The following CREM variants were observed in gnomAD, a reference collection of about 807,000 sequenced individuals.
CREM encodes the protein cAMP responsive element modulator, also known as cAMP-responsive element modulator.
Under a neutral mutation model 37.3 loss-of-function variants are expected in CREM, and 13 were observed. The observed-to-expected ratio is 0.35, with a 90% CI of 0.23 to 0.55. The LOEUF is 0.55. CREM is among the 20% of genes least tolerant of loss of function. The pLI is 0.88. For synonymous variants in CREM, 124 were observed against 120.2 expected, an observed-to-expected ratio of 1.03 and a Z score of -0.21; for missense variants, 296 against 362.3, an observed-to-expected ratio of 0.82 and a Z score of 1.49.
chr10:35,189,997 T>A (rs1379185596), intron 6 of CREM, among the ~76,000 whole-genome samples: 1 of 152,230 alleles, frequency 6.6e-6, no homozygotes, highest in African/African-American at 2.4e-5. Flanking sequence ...CCCAGTACTT[T>A]AATGTTTTCT....
At position 35,212,930 on chromosome 10, in the gene CREM, C is replaced by G. The variant is rs1353838979; in HGVS notation, c.*1532C>G. On this transcript the variant is annotated 3_prime_UTR_variant, in exon 8 of 8. Coordinates refer to ENST00000685392, the MANE Select transcript of CREM (RefSeq NM_183011.2). Reference sequence around the variant, plus strand: ...ATCTTGTTTTTATAATAAAAAGCTTCAGGGAACAAGCCCAAAGCCCTCACC... The same window carrying G: ...ATCTTGTTTTTATAATAAAAAGCTTGAGGGAACAAGCCCAAAGCCCTCACC... 6.5e-6 allele frequency: 1 copy of G among 152,726 alleles called. No homozygotes were observed. Among genetic ancestry groups the G allele is most frequent in the African/African-American group, 2.4e-5 (1 of 41,454 alleles). 9.5% of individuals were successfully genotyped at this position (152,726 alleles called of 1,614,324 possible).
At chr10:35,130,337 C>A (rs886459371) in intron 1 of CREM, among the ~76,000 whole-genome samples, 2 of 151,912 alleles carry the variant, frequency 1.3e-5, no homozygotes, top group African/African-American at 2.4e-5. Flanking sequence ...ATGGGAACTC[C>A]ACAATAAAGA....
At chr10:35,180,716 C>T (rs1295926019) in intron 5 of CREM, among the ~76,000 whole-genome samples, 1 of 152,202 alleles carries the variant, frequency 6.6e-6, no homozygotes, top group African/African-American at 2.4e-5. Flanking sequence ...CTGGGAATCT[C>T]TGGTGGGTTT....
intron 2 of CREM, among the ~76,000 whole-genome samples, chr10:35,142,938 T>G (rs775367567): frequency 2.0e-4 from 31 of 152,004 alleles, no homozygotes; most frequent in Non-Finnish European, 2.6e-4. Context: ...ATAATTTCAT[T>G]CAGTATTGTT....
At chr10:35,207,518 G>A (rs2095560767) in intron 7 of CREM, among the ~76,000 whole-genome samples, 1 of 152,116 alleles carries the variant, frequency 6.6e-6, no homozygotes. Context: ...GCTCCCGCCT[G>A]TAATCCCAGC....
intron 3 of CREM, among the ~76,000 whole-genome samples, chr10:35,169,744 CTTA>C (rs2093714173): frequency 6.6e-6 from 1 of 152,034 alleles, no homozygotes. Flanking sequence ...ATAAATAGCT[CTTA>C]TTATTTTGAG....
Position 35,179,229 on chromosome 10 carries a change from C to T in CREM, c.362C>T (p.Thr121Ile), listed in dbSNP as rs1409593938. The T allele has an allele frequency of 6.2e-7, 1 of 1,613,826 alleles. No individual in the cohort carries two copies. The highest frequency in any genetic ancestry group is 8.5e-7 in the Non-Finnish European group (1 of 1,179,764). The change falls in exon 5 of 8, where the codon ACC becomes ATC. Residue 121 changes from threonine to isoleucine, a missense_variant. Coordinates refer to ENST00000685392, the MANE Select transcript of CREM (RefSeq NM_183011.2). ...EEEGTPPSIA[T>I]MAVPTSIYQT... ...GAAGGAACACCACCTAGTATTGCTA[C>T]CATGGCAGTACCAACTAGCATATAT...
intron 7 of CREM, chr10:35,209,469 C>A: frequency 1.5e-6 from 1 of 653,750 alleles, no homozygotes; most frequent in Non-Finnish European, 1.9e-6. Context: ...CTGATGTGAT[C>A]GGGGAAAGCT....
At chr10:35,151,193 T>A (rs2092575135) in intron 3 of CREM, among the ~76,000 whole-genome samples, 1 of 152,224 alleles carries the variant, frequency 6.6e-6, no homozygotes. Flanking sequence ...ATCAAGGAAC[T>A]AGAAAAAGCC....
At chr10:35,141,357 A>G (rs1213392) in intron 2 of CREM, among the ~76,000 whole-genome samples, 89,455 of 152,102 alleles carry the variant, frequency 0.59, 27,128 homozygotes, top group East Asian at 0.68. Flanking sequence ...TTTTAGAAAC[A>G]TAACTATTGG....
At chr10:35,203,391 T>C (rs1040717370) in intron 6 of CREM, among the ~76,000 whole-genome samples, 1 of 152,156 alleles carries the variant, frequency 6.6e-6, no homozygotes, top group Non-Finnish European at 1.5e-5. Flanking sequence ...CACCCTTTTT[T>C]TAAAAAAACA....
At chr10:35,158,426 T>C in intron 3 of CREM, 4 of 294,744 alleles carry the variant, frequency 1.4e-5, no homozygotes, top group South Asian at 1.2e-4. Flanking sequence ...AGAAGTAGCT[T>C]AGGCTGAAAT....
At chr10:35,149,291 G>A (rs2092399648) in intron 3 of CREM, among the ~76,000 whole-genome samples, 1 of 152,206 alleles carries the variant, frequency 6.6e-6, no homozygotes, top group South Asian at 2.1e-4. Context: ...ATTCTAGGCA[G>A]AGCGAAGAGT....
In CREM at chr10:35,211,626, TG is replaced by T; in HGVS notation, c.*229del. ...TGTCAATAGCATGCAAAAAATGCTTTGTTTGCCCTTTGCTTCTGCTTTTTTT... is the reference window on the plus strand; with the variant it reads ...TGTCAATAGCATGCAAAAAATGCTTTTTTGCCCTTTGCTTCTGCTTTTTTT... On this transcript the variant is annotated 3_prime_UTR_variant, in exon 8 of 8. Transcript: ENST00000685392. 6 of 1,603,562 alleles carry T rather than the reference TG, an allele frequency of 3.7e-6. No individual in the cohort carries two copies. Among genetic ancestry groups the T allele is most frequent in the Non-Finnish European group, 5.1e-6 (6 of 1,175,450 alleles).
chr10:35,145,519 C>T (rs931724972), intron 2 of CREM, among the ~76,000 whole-genome samples: 2 of 152,072 alleles, frequency 1.3e-5, no homozygotes, highest in African/African-American at 4.8e-5. Context: ...ATGGCTCACG[C>T]CTAGTAATCC....
chr10:35,194,097 C>CAAAAAAAAAAAAAAAAAAAAAAAA (rs371978117), intron 6 of CREM, among the ~76,000 whole-genome samples: 10 of 25,062 alleles, frequency 4.0e-4, no homozygotes, highest in Non-Finnish European at 5.4e-4. Flanking sequence ...GACTTCATCT[C>CAAAAAAAAAAAAAAAAAAAAAAAA]AAAAAAAAAA....
intron 6 of CREM, among the ~76,000 whole-genome samples, chr10:35,199,258 C>A (rs2095312108): frequency 6.6e-6 from 1 of 152,168 alleles, no homozygotes; most frequent in South Asian, 2.1e-4. Context: ...ATTTATCTAC[C>A]TTAAGATTCA....
intron 3 of CREM, among the ~76,000 whole-genome samples, chr10:35,165,354 A>G (rs2132421577): frequency 6.6e-6 from 1 of 152,230 alleles, no homozygotes; most frequent in East Asian, 1.9e-4. Context: ...GGGATCCCCC[A>G]TGACCCAAAC....
At chr10:35,153,562 A>C (rs2092720127) in intron 3 of CREM, among the ~76,000 whole-genome samples, 1 of 152,204 alleles carries the variant, frequency 6.6e-6, no homozygotes, top group Non-Finnish European at 1.5e-5. Flanking sequence ...AATTGGTAAC[A>C]CTGCCATGAA....
Sources: allele counts gnomAD v4.1 joint callset (sites outside exome capture counted in the v4.1 genomes callset), GRCh38; gene constraint gnomAD v4.1.1; transcripts MANE v1.5; gene names NCBI Gene and HGNC (gene_info 2026-07-23, HGNC 2026-07-21).